The following NXPE4 variants were observed in gnomAD, a reference collection of about 807,000 sequenced individuals.
NXPE4 encodes the protein NXPE family member 4.
In NXPE4, 42 loss-of-function variants were observed where a neutral mutation model predicts 33.3. The ratio of observed to expected loss-of-function variants is 1.26; its 90% CI spans 0.98 to 1.63. The LOEUF is 1.63. Ranked by LOEUF, NXPE4 falls within the 40% of genes most tolerant of loss-of-function variation. NXPE4 has a pLI of 0.00. For missense variants in NXPE4, 709 were observed against 647.6 expected (o/e 1.09, Z -1.03); for synonymous variants, 253 against 234.9 (o/e 1.08, Z -0.71).
the NXPE4 span, among the ~76,000 whole-genome samples, chr11:114,677,640 A>AC: frequency 6.6e-6 from 1 of 152,054 alleles, no homozygotes; most frequent in Non-Finnish European, 1.5e-5. Flanking sequence ...TGTTATATAG[A>AC]CATGGAGGGA....
At chr11:114,588,299 T>A (rs1412164300) in intron 2 of NXPE4, among the ~76,000 whole-genome samples, 3 of 152,184 alleles carry the variant, frequency 2.0e-5, no homozygotes, top group Non-Finnish European at 4.4e-5. Flanking sequence ...GGAGGTGATG[T>A]CACTAGGGTT....
chr11:114,612,679 C>T, the NXPE4 span, among the ~76,000 whole-genome samples: 1 of 151,824 alleles, frequency 6.6e-6, no homozygotes, highest in Non-Finnish European at 1.5e-5. Context: ...TACGTGTTGT[C>T]TCATGGGTAA....
chr11:114,659,486 A>G, the NXPE4 span, among the ~76,000 whole-genome samples: 1 of 151,912 alleles, frequency 6.6e-6, no homozygotes, highest in African/African-American at 2.4e-5. Flanking sequence ...AGATTACCCT[A>G]GAGATGTGAA....
At chr11:114,651,044 A>C in the NXPE4 span, among the ~76,000 whole-genome samples, 1 of 152,102 alleles carries the variant, frequency 6.6e-6, no homozygotes, top group Non-Finnish European at 1.5e-5. Context: ...GGTACATTGA[A>C]GGTAATAATA....
At chr11:114,659,049 AG>A in the NXPE4 span, among the ~76,000 whole-genome samples, 1 of 152,224 alleles carries the variant, frequency 6.6e-6, no homozygotes, top group Non-Finnish European at 1.5e-5. Flanking sequence ...TTAAGCACCA[AG>A]TAACCAGAAA....
At chr11:114,613,245 C>T in the NXPE4 span, among the ~76,000 whole-genome samples, 47 of 151,690 alleles carry the variant, frequency 3.1e-4, no homozygotes, top group African/African-American at 6.3e-4. Flanking sequence ...CACTGTTACC[C>T]GGTGGATAAT....
the NXPE4 span, among the ~76,000 whole-genome samples, chr11:114,651,379 G>T: frequency 5.9e-4 from 90 of 152,178 alleles, no homozygotes; most frequent in African/African-American, 2.0e-3. Context: ...TGGGTTCGTG[G>T]TCTCGTGGTC....
chr11:114,594,670 G>A lies in NXPE4; in HGVS notation c.90C>T (p.Ser30=), dbSNP rs1949538651. ...SWIIFTVFQN[S]TKVWSALNLS... is the part of the protein sequence containing the mutation. ...TAAATAAAGCATTTCCTACCTTTGT[G>A]GAGTTCTGGAAAACTGTAAAAATGA... Residue 30 remains serine (S), a synonymous_variant, in exon 2 of 6, where the codon TCC becomes TCT. Coordinates refer to ENST00000375478, the MANE Select transcript of NXPE4 (RefSeq NM_001077639.2). 1 of 1,590,750 alleles carries A rather than the reference G, an allele frequency of 6.3e-7. No individual in the cohort carries two copies. Among genetic ancestry groups the A allele is most frequent in the Non-Finnish European group, 8.6e-7 (1 of 1,162,728 alleles).
At chr11:114,638,568 GCT>G in the NXPE4 span, among the ~76,000 whole-genome samples, 2 of 151,830 alleles carry the variant, frequency 1.3e-5, no homozygotes, top group Non-Finnish European at 2.9e-5. Context: ...CCGTTTTTCT[GCT>G]CTGTTTTTTC....
the NXPE4 span, among the ~76,000 whole-genome samples, chr11:114,644,956 A>G: frequency 6.6e-6 from 1 of 152,020 alleles, no homozygotes; most frequent in Non-Finnish European, 1.5e-5. Flanking sequence ...AATTGTCATG[A>G]CATATTGATG....
the NXPE4 span, among the ~76,000 whole-genome samples, chr11:114,601,722 AATT>A: frequency 1.4e-5 from 1 of 72,440 alleles, no homozygotes; most frequent in Non-Finnish European, 2.3e-5. Flanking sequence ...TATATATTAT[AATT>A]ATATATTATA....
upstream of NXPE4, among the ~76,000 whole-genome samples, chr11:114,596,444 T>C (rs1949573710): frequency 6.6e-6 from 1 of 152,200 alleles, no homozygotes; most frequent in Admixed American, 6.5e-5. Flanking sequence ...GCCCATCATC[T>C]TTCCATCTTA....
At chr11:114,616,123 A>G in the NXPE4 span, among the ~76,000 whole-genome samples, 6 of 151,666 alleles carry the variant, frequency 4.0e-5, no homozygotes, top group African/African-American at 1.5e-4. Flanking sequence ...AACCACTGTT[A>G]TCCGGTGGAT....
the NXPE4 span, among the ~76,000 whole-genome samples, chr11:114,656,397 A>G: frequency 6.6e-6 from 1 of 152,184 alleles, no homozygotes; most frequent in African/African-American, 2.4e-5. Context: ...TCAAACTACC[A>G]TTGACATTCT....
At chr11:114,659,591 G>A in the NXPE4 span, among the ~76,000 whole-genome samples, 1 of 151,922 alleles carries the variant, frequency 6.6e-6, no homozygotes, top group Non-Finnish European at 1.5e-5. Flanking sequence ...GGACAAATAA[G>A]AAGTCACAAG....
the NXPE4 span, among the ~76,000 whole-genome samples, chr11:114,667,699 C>G: frequency 6.6e-6 from 1 of 152,058 alleles, no homozygotes; most frequent in African/African-American, 2.4e-5. Context: ...ACCTTGCTAA[C>G]AGACAGCAAA....
chr11:114,603,645 G>C, the NXPE4 span, among the ~76,000 whole-genome samples: 1 of 151,628 alleles, frequency 6.6e-6, no homozygotes, highest in African/African-American at 2.4e-5. Flanking sequence ...CTATTACCTG[G>C]TGGATGGCAA....
the NXPE4 span, among the ~76,000 whole-genome samples, chr11:114,629,666 G>T: frequency 6.6e-6 from 1 of 151,980 alleles, no homozygotes; most frequent in Non-Finnish European, 1.5e-5. Context: ...GGAAGTTCTG[G>T]CCAGGGCAAT....
chr11:114,632,977 T>C, the NXPE4 span, among the ~76,000 whole-genome samples: 3 of 103,714 alleles, frequency 2.9e-5, no homozygotes, highest in African/African-American at 1.2e-4. Context: ...TATTATATAT[T>C]ATATATTTTT....
Sources: gnomAD v4.1 joint callset for allele counts (sites outside exome capture counted in the v4.1 genomes callset) on GRCh38, gnomAD v4.1.1 for gene constraint, MANE v1.5 for transcripts, NCBI Gene and HGNC (gene_info 2026-07-23, HGNC 2026-07-21) for gene names.